The following SOX6 variants were observed in gnomAD, a reference collection of about 807,000 sequenced individuals.
The protein encoded by SOX6 is transcription factor SOX-6.
Under a neutral mutation model 97.8 loss-of-function variants are expected in SOX6, and 11 were observed. The ratio of observed to expected loss-of-function variants is 0.11; its 90% CI spans 0.07 to 0.19. The LOEUF (loss-of-function observed/expected upper bound fraction) is 0.19. Ranked by LOEUF, SOX6 falls within the 10% of genes least tolerant of loss-of-function variation. The probability of loss-of-function intolerance (pLI) is 1.00; values close to 1 mark genes in which losing one functional copy is unlikely to be tolerated. For missense variants in SOX6, 810 were observed against 1,039.5 expected (o/e 0.78, Z 3.04); for synonymous variants, 360 against 371.4 (o/e 0.97, Z 0.35).
At chr11:15,995,548 C>A (rs935724028) in intron 13 of SOX6, among the ~76,000 whole-genome samples, 2 of 151,906 alleles carry the variant, frequency 1.3e-5, no homozygotes, top group African/African-American at 4.8e-5. Flanking sequence ...GAAAATGTGA[C>A]TCAGAGATCA....
intron 13 of SOX6, among the ~76,000 whole-genome samples, chr11:16,007,401 T>C (rs1782501352): frequency 6.6e-6 from 1 of 152,114 alleles, no homozygotes; most frequent in Non-Finnish European, 1.5e-5. Flanking sequence ...TTGACTTAAA[T>C]GTCATTAAGT....
Position 16,449,317 on chromosome 11 carries a change from G to T in SOX6, c.-5+26998C>A, listed in dbSNP as rs1323801220. On this transcript the variant is annotated intron_variant, in intron 1 of 15. Transcript: ENST00000396356. ...TTTTTTTTTTTTTTTTTTTGAGACG[G>T]AGTCTCGCTGTGTCGCCCAGGCTGG... 1.7e-4 allele frequency among the ~76,000 whole-genome samples: 18 copies of T among 105,202 alleles called. No individual in the cohort carries two copies. The South Asian group carries it at 3.5e-3, about 21-fold the overall frequency. The allele number at this position is 105,202 out of a possible 152,430, so 69.0% of individuals were successfully genotyped here.
At chr11:16,539,193 T>A (rs995169672) in intron 4 of SOX6, among the ~76,000 whole-genome samples, 1 of 152,158 alleles carries the variant, frequency 6.6e-6, no homozygotes, top group Non-Finnish European at 1.5e-5. Context: ...CACAACTACA[T>A]GGAAACTGAA....
chr11:15,998,214 T>C (rs954071747), intron 13 of SOX6, among the ~76,000 whole-genome samples: 1 of 151,312 alleles, frequency 6.6e-6, no homozygotes, highest in African/African-American at 2.4e-5. Flanking sequence ...TACAAAATAC[T>C]AGAACTAATA....
intron 4 of SOX6, among the ~76,000 whole-genome samples, chr11:16,534,700 G>A (rs944825816): frequency 6.6e-6 from 1 of 152,046 alleles, no homozygotes; most frequent in African/African-American, 2.4e-5. Flanking sequence ...GGGACCCCAA[G>A]AACAAACTGT....
rs1490372247 is a variant in SOX6, at chr11:16,203,191, C to T, written c.536-16236G>A. Among the ~76,000 whole-genome samples, 5 of 152,022 alleles carry T rather than the reference C, an allele frequency of 3.3e-5. No homozygotes were observed. In the East Asian group the frequency reaches 7.7e-4, roughly 23 times the overall value. ...AATGTAACTGAATATAGGTTTGGTG[C>T]CCTTCAGGTTTCTTTTCTTTGGAAC... On this transcript the variant is annotated intron_variant, in intron 4 of 15. Coordinates refer to ENST00000683767, the MANE Select transcript of SOX6 (RefSeq NM_001367873.1).
intron 4 of SOX6, among the ~76,000 whole-genome samples, chr11:16,569,613 A>G (rs531727026): frequency 6.6e-6 from 1 of 152,218 alleles, no homozygotes; most frequent in Admixed American, 6.5e-5. Context: ...ATAGCAATGT[A>G]CCACCTTGCA....
At chr11:16,502,685 T>G (rs1860726496) in intron 4 of SOX6, among the ~76,000 whole-genome samples, 1 of 152,112 alleles carries the variant, frequency 6.6e-6, no homozygotes, top group Non-Finnish European at 1.5e-5. Flanking sequence ...AAAAAAGAAC[T>G]TTTAAGAATG....
chr11:16,248,744 G>A (rs1267392972), intron 3 of SOX6, among the ~76,000 whole-genome samples: 1 of 152,186 alleles, frequency 6.6e-6, no homozygotes, highest in Non-Finnish European at 1.5e-5. Context: ...TAATGGGAGG[G>A]GCTGCTGTGA....
rs886161388 is a variant in SOX6, at chr11:16,738,455, C to T, written n.189G>A. Reference sequence around the variant, plus strand: ...TACACATCCGCGGGAACGCTTCCTCCACCAGCCGAAGGCGGGGCCTCTGAG... The same window carrying T: ...TACACATCCGCGGGAACGCTTCCTCTACCAGCCGAAGGCGGGGCCTCTGAG... On this transcript the variant is annotated non_coding_transcript_exon_variant, in exon 1 of 6. Transcript: ENST00000524520. The T allele has an allele frequency of 1.2e-5, 5 of 431,088 alleles. No homozygotes were observed. The Admixed American group carries it at 1.4e-4, about 12-fold the overall frequency. 26.7% of individuals were successfully genotyped at this position (431,088 alleles called of 1,614,324 possible).
chr11:16,171,760 T>C (rs766133145), intron 6 of SOX6, among the ~76,000 whole-genome samples: 1 of 151,770 alleles, frequency 6.6e-6, no homozygotes, highest in Non-Finnish European at 1.5e-5. Context: ...CCTAAAGCCC[T>C]GAAAGATATT....
intron 15 of SOX6, among the ~76,000 whole-genome samples, chr11:15,979,792 T>C (rs968675924): frequency 1.3e-5 from 2 of 152,048 alleles, no homozygotes; most frequent in Non-Finnish European, 2.9e-5. Flanking sequence ...GCTTTCTCAG[T>C]GAGGTTTTCC....
intron 12 of SOX6, among the ~76,000 whole-genome samples, chr11:16,032,245 T>C (rs888587712): frequency 6.6e-6 from 1 of 152,136 alleles, no homozygotes; most frequent in South Asian, 2.1e-4. Context: ...AGAATTTATA[T>C]AGAGCAGAGC....
At chr11:16,312,442 A>G (rs907148278) in intron 3 of SOX6, 1 of 152,212 alleles carries the variant, frequency 6.6e-6, no homozygotes, top group Non-Finnish European at 1.5e-5. Context: ...TATACTTAGT[A>G]GTATGATACA....
chr11:16,382,424 T>C (rs958911793), intron 1 of SOX6: 1 of 152,008 alleles, frequency 6.6e-6, no homozygotes, highest in African/African-American at 2.4e-5. Context: ...AAACATGGCT[T>C]TTATCTTTGT....
intron 3 of SOX6, among the ~76,000 whole-genome samples, chr11:16,628,263 C>T (rs909865788): frequency 1.3e-5 from 2 of 152,006 alleles, no homozygotes; most frequent in Admixed American, 6.6e-5. Flanking sequence ...CTTAAGATTG[C>T]TTTGGCTACT....
Position 16,272,363 on chromosome 11 carries a change from G to C in SOX6, c.446-37692C>G, listed in dbSNP as rs539490295. On this transcript the variant is annotated intron_variant, in intron 3 of 15. Coordinates refer to ENST00000683767, the MANE Select transcript of SOX6 (RefSeq NM_001367873.1). ...ATGATTAAATCCATAAATAATTTCT[G>C]TTTCTAAACACTTTCAATTTCTCTA... 1.8e-4 allele frequency among the ~76,000 whole-genome samples: 28 copies of C among 151,728 alleles called. No individual in the cohort carries two copies. In the South Asian group the frequency reaches 5.4e-3, roughly 29 times the overall value.
intron 4 of SOX6, among the ~76,000 whole-genome samples, chr11:16,537,436 T>C (rs539230760): frequency 6.6e-6 from 1 of 152,260 alleles, no homozygotes; most frequent in Non-Finnish European, 1.5e-5. Flanking sequence ...GATTGCAGCT[T>C]CTTGTCAGCA....
chr11:16,433,172 C>G (rs1859302276), intron 1 of SOX6, among the ~76,000 whole-genome samples: 1 of 152,000 alleles, frequency 6.6e-6, no homozygotes, highest in African/African-American at 2.4e-5. Flanking sequence ...AGGTAATATT[C>G]TTGTCCTTTT....
Sources: allele counts gnomAD v4.1 joint callset (sites outside exome capture counted in the v4.1 genomes callset), GRCh38; gene constraint gnomAD v4.1.1; transcripts MANE v1.5; gene names NCBI Gene and HGNC (gene_info 2026-07-23, HGNC 2026-07-21).